CAMTA1: variants seen among roughly 807,000 people sequenced by gnomAD.
CAMTA1 encodes the protein calmodulin-binding transcription activator 1.
Under a neutral mutation model 170.9 loss-of-function variants are expected in CAMTA1, and 27 were observed. That is an observed-to-expected ratio of 0.16 (90% CI 0.12 to 0.22). The LOEUF is 0.22. Ranked by LOEUF, CAMTA1 falls within the 10% of genes least tolerant of loss-of-function variation. The pLI is 1.00. For missense variants in CAMTA1, 1,619 were observed against 2,217.2 expected (o/e 0.73, Z 5.42); for synonymous variants, 833 against 891.5 (o/e 0.93, Z 1.17).
intron 6 of CAMTA1, among the ~76,000 whole-genome samples, chr1:7,614,562 G>A (rs2150712273): frequency 6.6e-6 from 1 of 152,310 alleles, no homozygotes; most frequent in East Asian, 1.9e-4. Context: ...CTGACACGCT[G>A]AAGGCTCCCC....
At chr1:7,427,669 A>AT (rs1379738303) in intron 5 of CAMTA1, among the ~76,000 whole-genome samples, 1 of 152,156 alleles carries the variant, frequency 6.6e-6, no homozygotes, top group Non-Finnish European at 1.5e-5. Context: ...CTTCAGAAAT[A>AT]TTTTTAGCAA....
chr1:6,840,164 A>C (rs1188789151), intron 3 of CAMTA1, among the ~76,000 whole-genome samples: 2 of 152,000 alleles, frequency 1.3e-5, no homozygotes, highest in Non-Finnish European at 2.9e-5. Flanking sequence ...GTGCCATTGC[A>C]CTCCAGCCTG....
intron 6 of CAMTA1, among the ~76,000 whole-genome samples, chr1:7,526,139 G>A (rs1725223): frequency 0.36 from 55,291 of 151,556 alleles, 10,946 homozygotes; most frequent in Non-Finnish European, 0.45. Flanking sequence ...GCTTCCCAGG[G>A]AGGAGACATT....
At chr1:6,995,239 T>A (rs1019964226) in intron 3 of CAMTA1, among the ~76,000 whole-genome samples, 2 of 151,546 alleles carry the variant, frequency 1.3e-5, no homozygotes, top group Non-Finnish European at 2.9e-5. Flanking sequence ...TTGTTGCATG[T>A]GGGAACTCAC....
intron 4 of CAMTA1, among the ~76,000 whole-genome samples, chr1:7,159,231 A>C (rs1647064129): frequency 6.6e-6 from 1 of 151,950 alleles, no homozygotes; most frequent in South Asian, 2.1e-4. Flanking sequence ...TTTTGACCTT[A>C]TTTGATTGCA....
At chr1:7,429,689 T>C (rs2092062601) in intron 5 of CAMTA1, among the ~76,000 whole-genome samples, 2 of 143,662 alleles carry the variant, frequency 1.4e-5, no homozygotes, top group South Asian at 4.4e-4. Context: ...GATGATGGTA[T>C]GTTAGTTCTC....
intron 5 of CAMTA1, among the ~76,000 whole-genome samples, chr1:7,257,663 C>A (rs1397534167): frequency 6.6e-6 from 1 of 152,030 alleles, no homozygotes. Flanking sequence ...CATACACACA[C>A]AAGGGAGAAT....
intron 10 of CAMTA1, among the ~76,000 whole-genome samples, chr1:7,671,859 G>A (rs1373583088): frequency 1.3e-5 from 2 of 152,158 alleles, no homozygotes; most frequent in Non-Finnish European, 2.9e-5. Flanking sequence ...CTGTCCCATG[G>A]GGTCAGGGAC....
chr1:7,655,399 TACACCCACCTATAC>T (rs2095888801), intron 7 of CAMTA1, among the ~76,000 whole-genome samples: 1 of 81,224 alleles, frequency 1.2e-5, no homozygotes, highest in Non-Finnish European at 2.4e-5. Context: ...TGCACACAAA[TACACCCACCTATAC>T]ACACACACCT....
At position 7,021,092 on chromosome 1, in the gene CAMTA1, A is replaced by T. The variant is rs1701276092; in HGVS notation, c.235-70212A>T. 2.6e-5 allele frequency among the ~76,000 whole-genome samples: 4 copies of T among 152,228 alleles called. No individual in the cohort carries two copies. The South Asian group carries it at 8.3e-4, about 32-fold the overall frequency. On this transcript the variant is annotated intron_variant, in intron 3 of 22. Transcript: ENST00000303635. ...GACCTGCCCGGGGGCTCCATGGCTGACACAGCTGGCCATACAACTGCAGGT... is the reference window on the plus strand; with the variant it reads ...GACCTGCCCGGGGGCTCCATGGCTGTCACAGCTGGCCATACAACTGCAGGT...
In CAMTA1 at chr1:7,680,869, A is replaced by AGCAGCAGCAGCTGCAGCAGCAGCAGCT. The variant is rs2096193413; in HGVS notation, c.2914+3147_2914+3148insTGCAGCAGCAGCAGCTGCAGCAGCAGC. Among the ~76,000 whole-genome samples the AGCAGCAGCAGCTGCAGCAGCAGCAGCT allele has an allele frequency of 8.3e-6, 1 of 119,980 alleles. No individual in the cohort carries two copies. The highest frequency in any genetic ancestry group is 2.0e-5 in the Non-Finnish European group (1 of 50,916). The allele number at this position is 119,980 out of a possible 152,430, so 78.7% of individuals were successfully genotyped here. A position where few individuals can be genotyped will look rare whatever the true frequency, so the allele number is the denominator to read the frequency against. Reference sequence around the variant, plus strand: ...GCGCGCGCGCGCGCGCGCCAGCAGCAGCAGCAGCAGCAGCTGCTGCGGCGA... The same window carrying AGCAGCAGCAGCTGCAGCAGCAGCAGCT: ...GCGCGCGCGCGCGCGCGCCAGCAGCAGCAGCAGCAGCTGCAGCAGCAGCAGCTGCAGCAGCAGCAGCTGCTGCGGCGA... On this transcript the variant is annotated intron_variant, in intron 11 of 22. Transcript: ENST00000303635. This position sits in a 1 kb window ranked among gnomAD's most constrained non-coding sequence, Gnocchi z 4.4.
chr1:6,799,356 G>A (rs898557077), intron 1 of CAMTA1, among the ~76,000 whole-genome samples: 2 of 152,190 alleles, frequency 1.3e-5, no homozygotes, highest in Non-Finnish European at 2.9e-5. Context: ...GGCATGAGCC[G>A]CTGTGCCTGG....
intron 6 of CAMTA1, among the ~76,000 whole-genome samples, chr1:7,500,004 C>T (rs2093957973): frequency 7.7e-6 from 1 of 130,384 alleles, no homozygotes; most frequent in African/African-American, 3.1e-5. Context: ...TGTGTGTGTG[C>T]ATATGTGCAC....
At chr1:7,112,003 C>T (rs1253338161) in intron 4 of CAMTA1, among the ~76,000 whole-genome samples, 2 of 152,064 alleles carry the variant, frequency 1.3e-5, no homozygotes, top group East Asian at 3.9e-4. Context: ...TGAGTGGCCA[C>T]CGTCACTATG....
intron 3 of CAMTA1, among the ~76,000 whole-genome samples, chr1:7,056,895 G>A (rs1208038639): frequency 6.6e-6 from 1 of 152,226 alleles, no homozygotes; most frequent in African/African-American, 2.4e-5. Flanking sequence ...TCATCTCTGG[G>A]TGGTTCCGCT....
At chr1:7,058,171 G>A (rs996290030) in intron 3 of CAMTA1, among the ~76,000 whole-genome samples, 3 of 152,102 alleles carry the variant, frequency 2.0e-5, no homozygotes, top group East Asian at 1.9e-4. Flanking sequence ...CCAGCACCCC[G>A]CATCACGACG....
chr1:6,959,313 C>A (rs1180658575), intron 3 of CAMTA1, among the ~76,000 whole-genome samples: 5 of 152,172 alleles, frequency 3.3e-5, no homozygotes, highest in Non-Finnish European at 7.4e-5. Context: ...GAGGCTGGGG[C>A]AGGTGGAGGG....
At chr1:7,416,990 A>C (rs2091221162) in intron 5 of CAMTA1, among the ~76,000 whole-genome samples, 1 of 150,970 alleles carries the variant, frequency 6.6e-6, no homozygotes, top group Admixed American at 6.6e-5. Flanking sequence ...CAGGACCCTC[A>C]GCTGCAGGTC....
Position 7,670,485 on chromosome 1 carries a change from C to T in CAMTA1, c.2653-426C>T, listed in dbSNP as rs867051513. Among the ~76,000 whole-genome samples the T allele has an allele frequency of 2.6e-5, 4 of 152,174 alleles. No homozygotes were observed. The East Asian group carries it at 7.7e-4, about 29-fold the overall frequency. On this transcript the variant is annotated intron_variant, in intron 9 of 22. Transcript: ENST00000303635. ...GAGATGCTCAGGCCTGTTTTCAAAA[C>T]TTGGAGTTCCCTCAGTCTGTCCACA...
Sources: gnomAD v4.1 joint callset for allele counts (sites outside exome capture counted in the v4.1 genomes callset) on GRCh38, gnomAD v4.1.1 for gene constraint, Gnocchi (gnomAD v3.1) non-coding constraint, MANE v1.5 for transcripts, NCBI Gene and HGNC (gene_info 2026-07-23, HGNC 2026-07-21) for gene names.